CDC5L: variants seen among roughly 807,000 people sequenced by gnomAD.
The protein encoded by CDC5L is cell division cycle 5 like, also known as cell division cycle 5-like protein.
CDC5L carries 18 observed loss-of-function variants against 104.1 expected under a neutral mutation model. That is an observed-to-expected ratio of 0.17 (90% confidence interval 0.12 to 0.26). The LOEUF (loss-of-function observed/expected upper bound fraction) is 0.26, where lower values mean the gene tolerates loss of function less well. Among genes scored for constraint, CDC5L ranks in the 10% least tolerant of loss-of-function variants. CDC5L has a pLI of 1.00. For missense variants in CDC5L, 673 were observed against 956.9 expected, an observed-to-expected ratio of 0.70 and a Z score of 3.91; for synonymous variants, 331 against 322.7, an observed-to-expected ratio of 1.03 and a Z score of -0.28.
chr6:44,432,297 T>C (rs1033143166), intron 14 of CDC5L, among the ~76,000 whole-genome samples: 1 of 152,230 alleles, frequency 6.6e-6, no homozygotes, highest in Non-Finnish European at 1.5e-5. Flanking sequence ...GGGAAGGAAC[T>C]CCAGTTATAT....
intron 14 of CDC5L, among the ~76,000 whole-genome samples, chr6:44,441,061 T>A (rs185151398): frequency 6.6e-6 from 1 of 152,316 alleles, no homozygotes; most frequent in African/African-American, 2.4e-5. Flanking sequence ...GTGATTACCA[T>A]GCTATGTAAT....
rs72867809 is a variant in CDC5L at position 44,439,796 on chromosome 6, T to C, written c.2092-5859T>C. ...GAGGCTTTTTATGTCTATGATCTTATTTAAGCTTCATAACAACTTGTAGCA... is the reference window on the plus strand; with the variant it reads ...GAGGCTTTTTATGTCTATGATCTTACTTAAGCTTCATAACAACTTGTAGCA... On this transcript the variant is annotated intron_variant, in intron 14 of 15. Coordinates refer to ENST00000371477, the MANE Select transcript of CDC5L (RefSeq NM_001253.4). Among the ~76,000 whole-genome samples, 1,154 of 152,324 alleles carry C rather than the reference T, an allele frequency of 7.6e-3. 28 individuals are homozygous for C. The highest frequency in any genetic ancestry group is 0.037 in the South Asian group (180 of 4,828).
chr6:44,408,712 T>C, intron 8 of CDC5L, 80 bp downstream of exon 8: 1 of 1,052,364 alleles, frequency 9.5e-7, no homozygotes, highest in Non-Finnish European at 1.3e-6. Flanking sequence ...CTAAGCGGTT[T>C]GGTTGTGTTT....
At position 44,425,740 on chromosome 6, in the gene CDC5L, C is replaced by T. The variant is rs1452670431; in HGVS notation, c.1570-363C>T. Among the ~76,000 whole-genome samples the T allele has an allele frequency of 2.0e-5, 3 of 151,964 alleles. No individual in the cohort carries two copies. In the East Asian group the frequency reaches 5.8e-4, roughly 29 times the overall value. ...AATCAGGAAACAATACATTTTTTGG[C>T]TGGCTTTTTGAGTTAAAAGTCAGTA... On this transcript the variant is annotated intron_variant, in intron 11 of 15. Coordinates refer to ENST00000371477, the MANE Select transcript of CDC5L (RefSeq NM_001253.4).
At chr6:44,407,155 T>A (rs1581647832) in intron 7 of CDC5L, among the ~76,000 whole-genome samples, 1 of 152,344 alleles carries the variant, frequency 6.6e-6, no homozygotes, top group South Asian at 2.1e-4. Context: ...TTAAGCTGCC[T>A]TCTCCCAGGG....
At chr6:44,414,266 T>G (rs1356272746) in intron 8 of CDC5L, among the ~76,000 whole-genome samples, 1 of 151,770 alleles carries the variant, frequency 6.6e-6, no homozygotes, top group African/African-American at 2.4e-5. Flanking sequence ...TTTGTAGAGA[T>G]GGGATCTCAC....
rs1581651536 is a variant in CDC5L, at chr6:44,414,663, T to C, written c.1093-4786T>C. Among the ~76,000 whole-genome samples the C allele has an allele frequency of 2.0e-5, 3 of 152,084 alleles. No individual in the cohort carries two copies. In the South Asian group the frequency reaches 6.2e-4, roughly 31 times the overall value. ...GTTTTTTATAATTGTAAGAGTTCTT[T>C]GTATATTCTGGATATAAGTTCCTTA... On this transcript the variant is annotated intron_variant, in intron 8 of 15. Transcript: ENST00000371477.
chr6:44,392,409 A>G (rs1790663494), intron 2 of CDC5L, among the ~76,000 whole-genome samples: 1 of 152,208 alleles, frequency 6.6e-6, no homozygotes, highest in Admixed American at 6.5e-5. Context: ...GATAGATGAG[A>G]AAGAAGGCTT....
chr6:44,426,391 A>G (rs527251534), intron 12 of CDC5L, 91 bp from the exon 13 acceptor site: 2 of 867,764 alleles, frequency 2.3e-6, no homozygotes, highest in Non-Finnish European at 3.6e-6. Flanking sequence ...TTGAAAATGT[A>G]AAACCGCTGT....
intron 8 of CDC5L, among the ~76,000 whole-genome samples, chr6:44,411,788 G>C (rs1791655444): frequency 1.3e-5 from 2 of 152,092 alleles, no homozygotes; most frequent in African/African-American, 2.4e-5. Context: ...TCTGAACATA[G>C]GGTTTCTCAA....
chr6:44,445,830 A>G lies in CDC5L; in HGVS notation c.2267A>G (p.Lys756Arg). 1.2e-6 allele frequency: 2 copies of G among 1,613,986 alleles called. No individual in the cohort carries two copies. Among genetic ancestry groups the G allele is most frequent in the Non-Finnish European group, 1.7e-6 (2 of 1,179,876 alleles). ...HLELRTFEELKKHEDSAIPRR... is the reference protein window; with the variant it reads ...HLELRTFEELRKHEDSAIPRR... ...GAGTTACGCACTTTTGAAGAACTCA[A>G]GAAACATGAAGATTCTGCTATTCCC... Residue 756 changes from lysine (K) to arginine (R), a missense_variant, in exon 15 of 16, where the codon AAG becomes AGG. Physicochemically the swap from Lys to Arg is conservative, Grantham distance 26. Transcript: ENST00000371477.
intron 8 of CDC5L, among the ~76,000 whole-genome samples, chr6:44,414,382 CTGTGTGTGTGTGTGTGTGTGTGTG>C (rs58800666): frequency 6.2e-5 from 8 of 130,000 alleles, no homozygotes; most frequent in African/African-American, 2.1e-4. Context: ...CTGGCCTGGC[CTGTGTGTGTGTGTGTGTGTGTGTG>C]TGTGTGTGTG....
chr6:44,440,130 G>GTT lies in CDC5L; in HGVS notation c.2092-5522_2092-5521dup, dbSNP rs569727608. Among the ~76,000 whole-genome samples the GTT allele has an allele frequency of 8.9e-3, 1,355 of 152,022 alleles. 22 individuals are homozygous for GTT. Among genetic ancestry groups the GTT allele is most frequent in the African/African-American group, 0.031 (1,290 of 41,450 alleles). ...TTATAAAAATCTGAAGAAATGAATG[G>GTT]TTTTAAAGGAGCTTCTTCATTTAAA... is the stretch of plus-strand genomic sequence containing the variant. On this transcript the variant is annotated intron_variant, in intron 14 of 15. Coordinates refer to ENST00000371477, the MANE Select transcript of CDC5L (RefSeq NM_001253.4).
Position 44,408,182 on chromosome 6 carries a change from T to C in CDC5L, c.904-262T>C, listed in dbSNP as rs6458384. On this transcript the variant is annotated intron_variant, in intron 7 of 15. Transcript: ENST00000371477. ...AAAAAGATGAGTACTACTGTGAACT[T>C]GTGATATTAATCACACAGCTTCAGC... Among the ~76,000 whole-genome samples the C allele has an allele frequency of 0.99, 151,144 of 152,266 alleles. 75,024 individuals are homozygous for C. Among genetic ancestry groups the C allele is most frequent in the East Asian group, 1 (5,190 of 5,190 alleles).
intron 8 of CDC5L, among the ~76,000 whole-genome samples, chr6:44,413,691 C>T (rs938463122): frequency 6.6e-6 from 1 of 152,058 alleles, no homozygotes; most frequent in Non-Finnish European, 1.5e-5. Context: ...TCAAGTGATC[C>T]TCCCAACTTG....
chr6:44,406,505 T>G (rs757358772), intron 7 of CDC5L, 38 bp downstream of exon 7: 2 of 1,539,794 alleles, frequency 1.3e-6, no homozygotes, highest in African/African-American at 1.4e-5. Context: ...TATGTGAATT[T>G]ATATGCTTAT....
At chr6:44,438,877 TTACA>T (rs1371251464) in intron 14 of CDC5L, among the ~76,000 whole-genome samples, 1 of 152,102 alleles carries the variant, frequency 6.6e-6, no homozygotes, top group Non-Finnish European at 1.5e-5. Flanking sequence ...GAGATATAAA[TTACA>T]TACCATAAAG....
intron 14 of CDC5L, among the ~76,000 whole-genome samples, chr6:44,441,627 T>G (rs994193648): frequency 1.3e-5 from 2 of 152,198 alleles, no homozygotes; most frequent in African/African-American, 2.4e-5. Context: ...ACACATACTG[T>G]TTTTCATTTT....
At chr6:44,412,781 C>CTTTTTTTTT (rs397950082) in intron 8 of CDC5L, among the ~76,000 whole-genome samples, 2 of 106,590 alleles carry the variant, frequency 1.9e-5, no homozygotes, top group African/African-American at 3.8e-5. Context: ...AGAATAATTT[C>CTTTTTTTTT]TTTTTTTTTT....
Sources: gnomAD v4.1 joint callset for allele counts (sites outside exome capture counted in the v4.1 genomes callset) on GRCh38, gnomAD v4.1.1 for gene constraint, MANE v1.5 for transcripts, NCBI Gene and HGNC (gene_info 2026-07-23, HGNC 2026-07-21) for gene names.